The following SIRT1 variants were observed in gnomAD, a reference collection of about 807,000 sequenced individuals.
SIRT1 encodes the protein sirtuin 1.
SIRT1 carries 24 observed loss-of-function variants against 67.9 expected under a neutral mutation model. The observed-to-expected ratio is 0.35, with a 90% CI of 0.26 to 0.50. The LOEUF (loss-of-function observed/expected upper bound fraction) is 0.50. SIRT1 is among the 20% of genes least tolerant of loss of function. SIRT1 has a pLI of 0.98. For synonymous variants in SIRT1, 378 were observed against 350.7 expected (o/e 1.08, Z -0.87); for missense variants, 873 against 937.2 (o/e 0.93, Z 0.89).
At chr10:67,897,837 A>G (rs912426443) in intron 4 of SIRT1, among the ~76,000 whole-genome samples, 1 of 151,932 alleles carries the variant, frequency 6.6e-6, no homozygotes, top group African/African-American at 2.4e-5. Flanking sequence ...TTAAATTGAT[A>G]ATAAGTTGTG....
intron 4 of SIRT1, among the ~76,000 whole-genome samples, chr10:67,895,702 T>C (rs2131859362): frequency 6.6e-6 from 1 of 151,086 alleles, no homozygotes; most frequent in African/African-American, 2.4e-5. Context: ...TATTATATCA[T>C]TGATTGTATG....
At chr10:67,905,943 T>C in intron 4 of SIRT1, 1 of 247,906 alleles carries the variant, frequency 4.0e-6, no homozygotes, top group Non-Finnish European at 7.5e-6. Context: ...AGTTTTTTGC[T>C]AGCATTGTGA....
chr10:67,904,123 GTTTGTTTTTTT>G (rs1259825231), intron 4 of SIRT1, among the ~76,000 whole-genome samples: 4 of 115,450 alleles, frequency 3.5e-5, no homozygotes, highest in Non-Finnish European at 7.1e-5. Context: ...AGTTTTTTTT[GTTTGTTTTTTT>G]TTTTTTTTTT....
chr10:67,900,699 T>C lies in SIRT1; in HGVS notation c.943-6091T>C, dbSNP rs574398593. Among the ~76,000 whole-genome samples the C allele has an allele frequency of 3.3e-5, 5 of 152,234 alleles. 1 individual carries two copies. The South Asian group carries it at 1.0e-3, about 32-fold the overall frequency. On this transcript the variant is annotated intron_variant, in intron 4 of 8. Coordinates refer to ENST00000212015, the MANE Select transcript of SIRT1 (RefSeq NM_012238.5). ...GCTCGAGTGATTCTGCTGCCTCAGC[T>C]ACTCAAAGTGCTGGGATTGTAGGCG...
chr10:67,907,745 G>A (rs943579810), intron 5 of SIRT1, among the ~76,000 whole-genome samples: 3 of 152,108 alleles, frequency 2.0e-5, no homozygotes, highest in African/African-American at 7.2e-5. Context: ...CTGGAGGAGT[G>A]AGCTGTTACA....
At chr10:67,911,814 C>T (rs1005953438) in intron 7 of SIRT1, among the ~76,000 whole-genome samples, 12 of 136,952 alleles carry the variant, frequency 8.8e-5, no homozygotes, top group Admixed American at 2.1e-4. Context: ...CTCCCTCCCT[C>T]ATTGCCCAGG....
intron 1 of SIRT1, among the ~76,000 whole-genome samples, chr10:67,885,793 ATTAC>A (rs1842469003): frequency 6.6e-6 from 1 of 152,046 alleles, no homozygotes; most frequent in Admixed American, 6.6e-5. Flanking sequence ...AGCTGTTCAT[ATTAC>A]TTTTATTCTA....
chr10:67,889,187 A>G, intron 3 of SIRT1, 64 bp downstream of exon 3: 1 of 1,486,986 alleles, frequency 6.7e-7, no homozygotes, highest in Non-Finnish European at 8.9e-7. Context: ...CCAAGTAGGA[A>G]ACATTTTTCT....
rs1842917712 is a variant in SIRT1, at chr10:67,912,674, G to A, written c.1558G>A (p.Glu520Lys). 1 of 1,613,980 alleles carries A rather than the reference G, an allele frequency of 6.2e-7. No individual in the cohort carries two copies. Among genetic ancestry groups the A allele is most frequent in the African/African-American group, 1.3e-5 (1 of 74,900 alleles). The change falls in exon 8 of 9, where the codon GAA (glutamate) becomes AAA (lysine). Residue 520 changes from glutamate to lysine, a missense_variant. Glu to Lys is a moderately conservative substitution (Grantham distance 56, BLOSUM62 1). Transcript: ENST00000212015. ...ITEKPPRTQKELAYLSELPPT... is the reference protein window; with the variant it reads ...ITEKPPRTQKKLAYLSELPPT... ...TGAAAAACCTCCACGAACACAAAAAGAATTGGCTTATTTGTCAGAGTTGCC... is the reference window on the plus strand; with the variant it reads ...TGAAAAACCTCCACGAACACAAAAAAAATTGGCTTATTTGTCAGAGTTGCC...
At chr10:67,906,372 T>G in intron 4 of SIRT1, 1 of 1,392,174 alleles carries the variant, frequency 7.2e-7, no homozygotes, top group East Asian at 2.5e-5. Flanking sequence ...TAAATATTCT[T>G]GTATTGACAG....
intron 4 of SIRT1, among the ~76,000 whole-genome samples, chr10:67,897,468 A>G (rs544349265): frequency 6.6e-6 from 1 of 151,934 alleles, no homozygotes; most frequent in Admixed American, 6.6e-5. Context: ...CCCAGGTTCA[A>G]ACAGTTCTGC....
chr10:67,885,776 C>G (rs1842468663), intron 1 of SIRT1, among the ~76,000 whole-genome samples: 1 of 152,062 alleles, frequency 6.6e-6, no homozygotes, highest in African/African-American at 2.4e-5. Context: ...AGAGAGAGTA[C>G]TTTTAGAGCT....
At chr10:67,911,673 G>GTCCT (rs1005289538) in intron 7 of SIRT1, among the ~76,000 whole-genome samples, 24 of 114,378 alleles carry the variant, frequency 2.1e-4, no homozygotes, top group African/African-American at 3.2e-4. Context: ...CCTTCTGTTA[G>GTCCT]TCCTTCCTTC....
intron 7 of SIRT1, among the ~76,000 whole-genome samples, chr10:67,910,017 G>T (rs1842875540): frequency 6.6e-6 from 1 of 152,026 alleles, no homozygotes; most frequent in African/African-American, 2.4e-5. Context: ...TGGCTGAACT[G>T]TTTTTTTAGG....
Position 67,912,869 on chromosome 10 carries a change from T to C in SIRT1, c.1753T>C (p.Ser585Pro). Residue 585 changes from serine (S) to proline (P), a missense_variant, in exon 8 of 9, where the codon TCT becomes CCT. Coordinates refer to ENST00000212015, the MANE Select transcript of SIRT1 (RefSeq NM_012238.5). Reference protein sequence around the residue: ...MEEKPQEVQTSRNVESIAEQM... With the variant: ...MEEKPQEVQTPRNVESIAEQM... Reference sequence around the variant, plus strand: ...AGAAAAACCACAGGAAGTACAAACTTCTAGGAATGTTGAAAGTATTGCTGA... The same window carrying C: ...AGAAAAACCACAGGAAGTACAAACTCCTAGGAATGTTGAAAGTATTGCTGA... 1.2e-6 allele frequency: 2 copies of C among 1,614,098 alleles called. No homozygotes were observed. The highest frequency in any genetic ancestry group is 1.7e-6 in the Non-Finnish European group (2 of 1,180,024).
chr10:67,891,447 A>G lies in SIRT1; in HGVS notation c.835A>G (p.Ile279Val), dbSNP rs1589070016. The G allele has an allele frequency of 6.2e-7, 1 of 1,614,104 alleles. No homozygotes were observed. The highest frequency in any genetic ancestry group is 1.3e-5 in the African/African-American group (1 of 75,050). Reference sequence around the variant, plus strand: ...ACCTGACTTCAGGTCAAGGGATGGTATTTATGCTCGCCTTGCTGTAGACTT... The same window carrying G: ...ACCTGACTTCAGGTCAAGGGATGGTGTTTATGCTCGCCTTGCTGTAGACTT... ...GIPDFRSRDG[I>V]YARLAVDFPD... Residue 279 changes from isoleucine (I) to valine (V), a missense_variant, in exon 4 of 9, where the codon ATT (isoleucine) becomes GTT (valine). Around this residue, in one of 3 missense-constraint regions of SIRT1, gnomAD observed 251 missense variants for 358.8 expected, o/e 0.70. Transcript: ENST00000212015.
intron 2 of SIRT1, among the ~76,000 whole-genome samples, 186 bp from the exon 3 acceptor site, chr10:67,888,696 T>C (rs1842524336): frequency 6.6e-6 from 1 of 152,220 alleles, no homozygotes; most frequent in Admixed American, 6.5e-5. Flanking sequence ...AACTCTTCAT[T>C]AGATCTTCCT....
At chr10:67,891,037 A>G (rs1158270778) in intron 3 of SIRT1, among the ~76,000 whole-genome samples, 2 of 151,676 alleles carry the variant, frequency 1.3e-5, no homozygotes, top group East Asian at 3.9e-4. Context: ...CTCAAAAAAA[A>G]AAAAAACAAA....
chr10:67,915,151 T>TTGTA (rs1236113007), intron 8 of SIRT1, among the ~76,000 whole-genome samples: 4 of 152,054 alleles, frequency 2.6e-5, no homozygotes, highest in Non-Finnish European at 5.9e-5. Flanking sequence ...GTCACACAGG[T>TTGTA]TGTAGTCAGG....
Sources: gnomAD v4.1 joint callset for allele counts (sites outside exome capture counted in the v4.1 genomes callset) on GRCh38, gnomAD v4.1.1 for gene constraint, gnomAD v4.1.1 regional missense constraint, MANE v1.5 for transcripts, NCBI Gene and HGNC (gene_info 2026-07-23, HGNC 2026-07-21) for gene names.